Variants in ARHGEF6 observed in about 807,000 individuals in gnomAD.
The protein encoded by ARHGEF6 is Rac/Cdc42 guanine nucleotide exchange factor 6.
A neutral mutation model predicts 70.3 loss-of-function variants in ARHGEF6; 9 were observed. The observed-to-expected ratio is 0.13, with a 90% CI of 0.08 to 0.22. The LOEUF (loss-of-function observed/expected upper bound fraction) is 0.22, where lower values mean the gene tolerates loss of function less well. Among genes scored for constraint, ARHGEF6 ranks in the 10% least tolerant of loss-of-function variants. The pLI is 1.00. For synonymous variants in ARHGEF6, 201 were observed against 207.8 expected, an observed-to-expected ratio of 0.97 and a Z score of 0.28; for missense variants, 470 against 563.0, an observed-to-expected ratio of 0.83 and a Z score of 1.67.
In ARHGEF6 at chrX:136,747,514, T is replaced by C; in HGVS notation, c.328A>G (p.Thr110Ala). The change falls in exon 3 of 22, where the codon ACA becomes GCA. Residue 110 changes from threonine to alanine, a missense_variant. Thr to Ala is a moderately conservative substitution (Grantham distance 58, BLOSUM62 0). Coordinates refer to ENST00000250617, the MANE Select transcript of ARHGEF6 (RefSeq NM_004840.3). The stretch of plus-strand genomic sequence containing the variant: ...AATCACAAGCCCGGCTTACCTTCTG[T>C]TGCTTTGTTGACAGCTAAAAGAGTA... ...LSTLLAVNKA[T>A]EDQLSERPCG... 8 of 1,206,879 alleles carry C rather than the reference T, an allele frequency of 6.6e-6. No homozygotes were observed. The highest frequency in any genetic ancestry group is 7.8e-6 in the Non-Finnish European group (7 of 892,277).
At chrX:136,748,201 C>T (rs2077115797) in intron 2 of ARHGEF6, among the ~76,000 whole-genome samples, 2 of 111,923 alleles carry the variant, frequency 1.8e-5, no homozygotes, top group African/African-American at 6.5e-5. Flanking sequence ...TCTGTTTCTG[C>T]TGTTTGACCT....
chrX:136,716,009 C>A (rs1042431466), intron 6 of ARHGEF6, among the ~76,000 whole-genome samples: 2 of 112,752 alleles, frequency 1.8e-5, no homozygotes, highest in Non-Finnish European at 3.8e-5. Flanking sequence ...GGCACAATCT[C>A]GGCTCACTAC....
rs766964715 is a variant in ARHGEF6, at chrX:136,777,861, A to G, written c.249+1553T>C. 2.7e-5 allele frequency among the ~76,000 whole-genome samples: 3 copies of G among 110,703 alleles called. No homozygotes were observed. The East Asian group carries it at 8.4e-4, about 31-fold the overall frequency. ...GACAACCTGGGTGGAGGTGGAGACC[A>G]TTATTCTAAGGGAAGTAACTCAGGA... On this transcript the variant is annotated intron_variant, in intron 2 of 21. Coordinates refer to ENST00000250617, the MANE Select transcript of ARHGEF6 (RefSeq NM_004840.3).
intron 9 of ARHGEF6, among the ~76,000 whole-genome samples, chrX:136,704,616 T>C (rs751725297): frequency 1.3e-4 from 15 of 111,739 alleles, no homozygotes; most frequent in African/African-American, 4.2e-4. Context: ...AGTACTTCCT[T>C]CACAAGGTGG....
chrX:136,684,354 C>T (rs1470966394), intron 12 of ARHGEF6, among the ~76,000 whole-genome samples: 5 of 112,218 alleles, frequency 4.5e-5, no homozygotes, highest in Admixed American at 3.8e-4. Context: ...AGTAACCTTC[C>T]CTGGGGTATT....
At chrX:136,704,648 C>A (rs943243304) in intron 9 of ARHGEF6, among the ~76,000 whole-genome samples, 6 of 111,661 alleles carry the variant, frequency 5.4e-5, no homozygotes, top group African/African-American at 2.0e-4. Flanking sequence ...GCAAGAGCGA[C>A]GGGGGAAGAG....
chrX:136,710,963 C>T lies in ARHGEF6; in HGVS notation c.828-2193G>A, dbSNP rs182526661. Among the ~76,000 whole-genome samples, 7 of 111,809 alleles carry T rather than the reference C, an allele frequency of 6.3e-5. No homozygotes were observed. In the East Asian group the frequency reaches 2.0e-3, roughly 31 times the overall value. ...AATTAAAACCATGAGATACCACCTC[C>T]GCCCAGCCAGAATGGCCATTATTAA... On this transcript the variant is annotated intron_variant, in intron 7 of 21. Transcript: ENST00000250617.
At chrX:136,714,605 A>G (rs376417614) in intron 6 of ARHGEF6, among the ~76,000 whole-genome samples, 1 of 111,909 alleles carries the variant, frequency 8.9e-6, no homozygotes, top group East Asian at 2.8e-4. Flanking sequence ...CTTAACTAGG[A>G]GAAGTGTATT....
chrX:136,715,910 T>TTTTGTTTG (rs1397564412), intron 6 of ARHGEF6, among the ~76,000 whole-genome samples: 1 of 112,317 alleles, frequency 8.9e-6, no homozygotes, highest in Non-Finnish European at 1.9e-5. Flanking sequence ...ATAACCTATT[T>TTTTGTTTG]TTTGTTTGTT....
chrX:136,731,955 C>A, intron 6 of ARHGEF6, 147 bp downstream of exon 6: 1 of 464,182 alleles, frequency 2.2e-6, no homozygotes, highest in Non-Finnish European at 3.8e-6. Context: ...AGTAAAAGAG[C>A]TCCACTGTAA....
chrX:136,713,433 G>T, intron 6 of ARHGEF6, 63 bp from the exon 7 acceptor site: 1 of 881,571 alleles, frequency 1.1e-6, no homozygotes, highest in South Asian at 2.1e-5. Flanking sequence ...ATGTAGCTTT[G>T]ATCTTTTAAC....
rs1326046081 is a variant in ARHGEF6, at chrX:136,665,891, A to T, written c.*2138T>A. On this transcript the variant is annotated 3_prime_UTR_variant, in exon 22 of 22. Coordinates refer to ENST00000250617, the MANE Select transcript of ARHGEF6 (RefSeq NM_004840.3). ...GAAGGGCCAAGTCCCCGAAACATGCATATGTACTCATCACTGTAAAATGAA... is the reference window on the plus strand; with the variant it reads ...GAAGGGCCAAGTCCCCGAAACATGCTTATGTACTCATCACTGTAAAATGAA... 1 of 112,720 alleles carries T rather than the reference A, an allele frequency of 8.9e-6. No individual in the cohort carries two copies. The highest frequency in any genetic ancestry group is 3.2e-5 in the African/African-American group (1 of 30,928). The allele number at this position is 112,720 out of a possible 1,213,427, so 9.3% of individuals were successfully genotyped here.
At chrX:136,706,274 G>A (rs2076626046) in intron 9 of ARHGEF6, among the ~76,000 whole-genome samples, 1 of 111,924 alleles carries the variant, frequency 8.9e-6, no homozygotes, top group African/African-American at 3.3e-5. Flanking sequence ...TGAATCGGAA[G>A]CAACTTATAT....
At chrX:136,672,683 A>G (rs1276009115) in intron 19 of ARHGEF6, among the ~76,000 whole-genome samples, 3 of 112,411 alleles carry the variant, frequency 2.7e-5, no homozygotes, top group Non-Finnish European at 3.8e-5. Flanking sequence ...TTTGGAGATT[A>G]TCACATCATC....
chrX:136,717,956 A>T (rs574548857), intron 6 of ARHGEF6, among the ~76,000 whole-genome samples: 1 of 111,941 alleles, frequency 8.9e-6, no homozygotes, highest in Middle Eastern at 4.6e-3. Flanking sequence ...AAAGCGAACA[A>T]CGAAAAGGGC....
chrX:136,765,273 C>T (rs1175872633), intron 2 of ARHGEF6, among the ~76,000 whole-genome samples: 1 of 112,233 alleles, frequency 8.9e-6, no homozygotes, highest in Non-Finnish European at 1.9e-5. Context: ...CATCTACGGT[C>T]CTAAGCACAG....
chrX:136,740,102 C>T (rs1038272372), intron 5 of ARHGEF6, among the ~76,000 whole-genome samples: 4 of 111,051 alleles, frequency 3.6e-5, no homozygotes, highest in African/African-American at 9.8e-5. Flanking sequence ...TCCGCCTCCT[C>T]GATTCAAACT....
chrX:136,747,549 T>G lies in ARHGEF6; in HGVS notation c.293A>C (p.Lys98Thr), dbSNP rs769060319. Reference sequence around the variant, plus strand: ...GACAGCTAAAAGAGTACTCAGTACCTTGGAGAAATTGACCCCTGAATAAAG... The same window carrying G: ...GACAGCTAAAAGAGTACTCAGTACCGTGGAGAAATTGACCCCTGAATAAAG... ...DDLYSGVNFSKVLSTLLAVNK... is the reference protein window; with the variant it reads ...DDLYSGVNFSTVLSTLLAVNK... The change falls in exon 3 of 22, where the codon AAG becomes ACG. Residue 98 changes from lysine (K) to threonine (T), a missense_variant. Around this residue, in one of 3 missense-constraint regions of ARHGEF6, gnomAD observed 379 missense variants for 449.3 expected, o/e 0.84. Coordinates refer to ENST00000250617, the MANE Select transcript of ARHGEF6 (RefSeq NM_004840.3). The G allele has an allele frequency of 4.5e-5, 55 of 1,209,018 alleles. No individual in the cohort carries two copies. The highest frequency in any genetic ancestry group is 6.0e-5 in the Non-Finnish European group (54 of 893,947).
At chrX:136,761,037 A>T (rs1276113101) in intron 2 of ARHGEF6, among the ~76,000 whole-genome samples, 1 of 112,357 alleles carries the variant, frequency 8.9e-6, no homozygotes, top group Non-Finnish European at 1.9e-5. Flanking sequence ...TGTTTCTATT[A>T]TTAGAACACA....
Sources: allele counts gnomAD v4.1 joint callset (sites outside exome capture counted in the v4.1 genomes callset), GRCh38; gene constraint gnomAD v4.1.1; regional missense constraint gnomAD v4.1.1; transcripts MANE v1.5; gene names NCBI Gene and HGNC (gene_info 2026-07-23, HGNC 2026-07-21).